ZEB1: variants seen among roughly 807,000 people sequenced by gnomAD.
ZEB1 encodes zinc finger E-box-binding homeobox 1.
ZEB1 carries 21 observed loss-of-function variants against 84.9 expected under a neutral mutation model. The ratio of observed to expected loss-of-function variants is 0.25; its 90% CI spans 0.18 to 0.36. The LOEUF (loss-of-function observed/expected upper bound fraction) is 0.36. Ranked by LOEUF, ZEB1 falls within the 10% of genes least tolerant of loss-of-function variation. The pLI, the probability that ZEB1 is intolerant of heterozygous loss-of-function variation, is 1.00. For synonymous variants in ZEB1, 420 were observed against 471.1 expected, an observed-to-expected ratio of 0.89 and a Z score of 1.41; for missense variants, 1,104 against 1,330.2, an observed-to-expected ratio of 0.83 and a Z score of 2.65.
chr10:31,330,624 AGTTTTCTCCT>A (rs1427263448), intron 1 of ZEB1, among the ~76,000 whole-genome samples: 1 of 152,180 alleles, frequency 6.6e-6, no homozygotes. Context: ...TAAGGGATGT[AGTTTTCTCCT>A]TGAGATAAAT....
intron 2 of ZEB1, among the ~76,000 whole-genome samples, chr10:31,489,340 A>G (rs536411175): frequency 1.5e-4 from 23 of 151,234 alleles, no homozygotes; most frequent in Non-Finnish European, 1.2e-4. Flanking sequence ...TTATCCTTTT[A>G]CTTTTAAACT....
At chr10:31,491,178 T>TA (rs977376072) in intron 2 of ZEB1, among the ~76,000 whole-genome samples, 3 of 151,746 alleles carry the variant, frequency 2.0e-5, no homozygotes, top group Non-Finnish European at 2.9e-5. Context: ...TTCAGTCCTC[T>TA]AGCCAAAACT....
At chr10:31,369,681 T>C (rs1346565569) in intron 1 of ZEB1, among the ~76,000 whole-genome samples, 3 of 152,248 alleles carry the variant, frequency 2.0e-5, no homozygotes, top group Admixed American at 2.0e-4. Context: ...GATATCCCTT[T>C]GACATACTGA....
chr10:31,427,099 G>T (rs2057039953), intron 1 of ZEB1, among the ~76,000 whole-genome samples: 1 of 151,576 alleles, frequency 6.6e-6, no homozygotes, highest in Admixed American at 6.6e-5. Flanking sequence ...AAAAAACCCG[G>T]ATGCATATAG....
intron 1 of ZEB1, among the ~76,000 whole-genome samples, chr10:31,326,261 G>T (rs187606431): frequency 6.6e-6 from 1 of 152,024 alleles, no homozygotes; most frequent in African/African-American, 2.4e-5. Flanking sequence ...TGGGCTCAGG[G>T]TAACCTTGCT....
At chr10:31,435,984 A>G (rs73262003) in intron 1 of ZEB1, among the ~76,000 whole-genome samples, 2,343 of 152,270 alleles carry the variant, frequency 0.015, 56 homozygotes, top group African/African-American at 0.052. Context: ...AAAGATGAGT[A>G]GGAATTTGCC....
chr10:31,451,800 CTTG>C (rs2060599468), intron 1 of ZEB1, among the ~76,000 whole-genome samples: 1 of 152,094 alleles, frequency 6.6e-6, no homozygotes, highest in Admixed American at 6.6e-5. Context: ...GAGGATGGCT[CTTG>C]TTGGGGGCAG....
At chr10:31,505,150 T>G (rs988796037) in intron 4 of ZEB1, among the ~76,000 whole-genome samples, 2 of 152,152 alleles carry the variant, frequency 1.3e-5, no homozygotes, top group African/African-American at 4.8e-5. Flanking sequence ...TTGATCATAT[T>G]GCATTATCTT....
chr10:31,426,221 A>T (rs1316437772), intron 1 of ZEB1, among the ~76,000 whole-genome samples: 1 of 152,212 alleles, frequency 6.6e-6, no homozygotes, highest in African/African-American at 2.4e-5. Context: ...AAGATTTGCC[A>T]ATGTTGCACT....
intron 2 of ZEB1, among the ~76,000 whole-genome samples, chr10:31,486,116 T>C (rs1339106499): frequency 6.6e-6 from 1 of 151,820 alleles, no homozygotes; most frequent in Non-Finnish European, 1.5e-5. Flanking sequence ...TGTGCCACAG[T>C]TTATCCATTC....
chr10:31,328,764 C>T lies in ZEB1; in HGVS notation c.58+9472C>T, dbSNP rs1044691706. ...ATATCACTTTTATGTATAACATTGA[C>T]ATGAACTTCAAGGATAATGTCCCAT... On this transcript the variant is annotated intron_variant, in intron 1 of 8. Coordinates refer to ENST00000424869, the MANE Select transcript of ZEB1 (RefSeq NM_001174096.2). Among the ~76,000 whole-genome samples the T allele has an allele frequency of 4.6e-5, 7 of 152,092 alleles. 1 individual carries two copies. Among genetic ancestry groups the T allele is most frequent in the Admixed American group, 3.9e-4 (6 of 15,274 alleles).
chr10:31,447,802 C>T (rs1232034971), intron 1 of ZEB1, among the ~76,000 whole-genome samples: 1 of 152,170 alleles, frequency 6.6e-6, no homozygotes, highest in Non-Finnish European at 1.5e-5. Flanking sequence ...TGATGGGCTT[C>T]CCTTTGAGGG....
intron 1 of ZEB1, among the ~76,000 whole-genome samples, chr10:31,393,458 G>A (rs2050152353): frequency 1.3e-5 from 2 of 152,042 alleles, no homozygotes; most frequent in Admixed American, 1.3e-4. Flanking sequence ...ATTATTTTAT[G>A]TTTAATTTAG....
intron 1 of ZEB1, among the ~76,000 whole-genome samples, chr10:31,342,101 T>A (rs542925095): frequency 6.6e-6 from 1 of 152,304 alleles, no homozygotes; most frequent in South Asian, 2.1e-4. Flanking sequence ...TACAGAAGAT[T>A]CTAGAATGTA....
At chr10:31,516,819 C>T (rs1275598644) in intron 6 of ZEB1, among the ~76,000 whole-genome samples, 2 of 151,868 alleles carry the variant, frequency 1.3e-5, no homozygotes, top group African/African-American at 2.4e-5. Flanking sequence ...AGGGTGGCCA[C>T]GTAGATACAG....
At chr10:31,449,314 G>A (rs1391074872) in intron 1 of ZEB1, among the ~76,000 whole-genome samples, 4 of 152,236 alleles carry the variant, frequency 2.6e-5, no homozygotes, top group African/African-American at 9.6e-5. Context: ...CTACTGTCTG[G>A]CACTCCCTAG....
rs1035290718 is a variant in ZEB1 at position 31,407,294 on chromosome 10, G to A, written c.59-53743G>A. Among the ~76,000 whole-genome samples the A allele has an allele frequency of 3.8e-5, 5 of 133,074 alleles. No individual in the cohort carries two copies. In the South Asian group the frequency reaches 9.2e-4, roughly 25 times the overall value. 87.3% of individuals were successfully genotyped at this position (133,074 alleles called of 152,430 possible). ...CAGAGTGTGATGTTCCCCTTCCTGT[G>A]TCCATGTGTTCTCATTCTTCAATTC... On this transcript the variant is annotated intron_variant, in intron 1 of 8. Coordinates refer to ENST00000424869, the MANE Select transcript of ZEB1 (RefSeq NM_001174096.2).
chr10:31,509,584 C>T (rs2069603226), intron 4 of ZEB1, among the ~76,000 whole-genome samples: 1 of 152,202 alleles, frequency 6.6e-6, no homozygotes, highest in Non-Finnish European at 1.5e-5. Flanking sequence ...ATTTGACCAA[C>T]TATTTAACAT....
intron 1 of ZEB1, among the ~76,000 whole-genome samples, chr10:31,368,583 AT>A (rs1200228577): frequency 1.2e-4 from 18 of 151,808 alleles, no homozygotes; most frequent in Non-Finnish European, 2.2e-4. Context: ...TGTTTTTTAA[AT>A]TTTTTTCCTG....
Sources: gnomAD v4.1 joint callset for allele counts (sites outside exome capture counted in the v4.1 genomes callset) on GRCh38, gnomAD v4.1.1 for gene constraint, MANE v1.5 for transcripts, NCBI Gene and HGNC (gene_info 2026-07-23, HGNC 2026-07-21) for gene names.